The following ZNF860 variants were observed in gnomAD, a reference collection of about 807,000 sequenced individuals.
The protein encoded by ZNF860 is zinc finger protein 860.
For missense variants in ZNF860, 641 were observed against 759.2 expected, an observed-to-expected ratio of 0.84 and a Z score of 1.83; for synonymous variants, 206 against 248.9, an observed-to-expected ratio of 0.83 and a Z score of 1.62.
In ZNF860 at chr3:31,987,497, T is replaced by C. The variant is rs1170951903; in HGVS notation, c.-420-1163T>C. 2.0e-5 allele frequency among the ~76,000 whole-genome samples: 3 copies of C among 152,228 alleles called. No individual in the cohort carries two copies. The East Asian group carries it at 5.8e-4, about 29-fold the overall frequency. Reference sequence around the variant, plus strand: ...TGCATACACTTATAAATGTGGCTCATGTACTACAGAATTAACCCCCGGAAA... The same window carrying C: ...TGCATACACTTATAAATGTGGCTCACGTACTACAGAATTAACCCCCGGAAA... On this transcript the variant is annotated intron_variant, in intron 1 of 1. Coordinates refer to ENST00000360311, the MANE Select transcript of ZNF860 (RefSeq NM_001137674.3).
At chr3:32,003,191 G>A in the ZNF860 span, among the ~76,000 whole-genome samples, 5 of 152,224 alleles carry the variant, frequency 3.3e-5, no homozygotes, top group Non-Finnish European at 5.9e-5. Flanking sequence ...GGAGGACTGC[G>A]TAACACTTAC....
chr3:31,989,605 G>C lies in ZNF860; in HGVS notation c.526G>C (p.Gly176Arg). The change falls in exon 2 of 2, where the codon GGT becomes CGT. Residue 176 changes from glycine to arginine, a missense_variant. Transcript: ENST00000360311. ...CATATTTCAGACCAAAGGGAAAGTT[G>C]GTAATCAAGTTGAGAAGTCTATCAA... ...LHIFQTKGKV[G>R]NQVEKSINDA... 1 of 1,614,150 alleles carries C rather than the reference G, an allele frequency of 6.2e-7. No homozygotes were observed. Among genetic ancestry groups the C allele is most frequent in the Non-Finnish European group, 8.5e-7 (1 of 1,180,004 alleles).
intron 1 of ZNF860, chr3:31,986,308 C>T (rs1698931922): frequency 6.6e-6 from 1 of 152,190 alleles, no homozygotes; most frequent in African/African-American, 2.4e-5. Context: ...TGAACCAAGG[C>T]CTTCTGACTC....
the ZNF860 span, among the ~76,000 whole-genome samples, chr3:32,002,288 C>T: frequency 6.6e-6 from 1 of 152,114 alleles, no homozygotes; most frequent in East Asian, 1.9e-4. Flanking sequence ...TCTGAAAAAG[C>T]CTACAAAGTT....
chr3:31,998,638 T>C, the ZNF860 span, among the ~76,000 whole-genome samples: 8 of 152,248 alleles, frequency 5.3e-5, no homozygotes, highest in Admixed American at 4.6e-4. Flanking sequence ...TATGGTCCTC[T>C]AGTCATTTAA....
chr3:31,989,191 T>C lies in ZNF860; in HGVS notation c.112T>C (p.Trp38Arg). 6.2e-7 allele frequency: 1 copy of C among 1,613,872 alleles called. No homozygotes were observed. The highest frequency in any genetic ancestry group is 8.5e-7 in the Non-Finnish European group (1 of 1,180,002). Residue 38 changes from tryptophan (W) to arginine (R), a missense_variant, in exon 2 of 2, where the codon TGG (tryptophan) becomes CGG (arginine). Coordinates refer to ENST00000360311, the MANE Select transcript of ZNF860 (RefSeq NM_001137674.3). ...DVAIEFSLEE[W>R]KCLDPTQRAL... ...GGCTATAGAATTCTCTTTGGAGGAG[T>C]GGAAATGCCTGGACCCTACGCAGAG...
the ZNF860 span, among the ~76,000 whole-genome samples, chr3:32,000,162 G>A: frequency 6.6e-6 from 1 of 151,908 alleles, no homozygotes; most frequent in Non-Finnish European, 1.5e-5. Context: ...GTAAATTAAC[G>A]TTCATTTTCC....
chr3:31,998,267 G>A, the ZNF860 span, among the ~76,000 whole-genome samples: 1 of 152,246 alleles, frequency 6.6e-6, no homozygotes, highest in African/African-American at 2.4e-5. Context: ...CCAGATGAAA[G>A]GGAAGAAATG....
the ZNF860 span, among the ~76,000 whole-genome samples, chr3:32,003,035 G>A: frequency 6.6e-6 from 1 of 152,226 alleles, no homozygotes; most frequent in Non-Finnish European, 1.5e-5. Flanking sequence ...GGGAAAAGCA[G>A]AAGCTGGCCG....
the ZNF860 span, among the ~76,000 whole-genome samples, chr3:32,006,170 T>C: frequency 6.6e-6 from 1 of 151,998 alleles, no homozygotes; most frequent in South Asian, 2.1e-4. Flanking sequence ...GGTCTCAAAC[T>C]CCTGACCTCA....
intron 1 of ZNF860, among the ~76,000 whole-genome samples, chr3:31,982,185 T>C (rs1370704661): frequency 6.6e-6 from 1 of 152,194 alleles, no homozygotes; most frequent in Non-Finnish European, 1.5e-5. Context: ...AATTAACAGA[T>C]ATTTACAAAC....
chr3:32,005,414 G>A, the ZNF860 span, among the ~76,000 whole-genome samples: 16 of 149,532 alleles, frequency 1.1e-4, no homozygotes, highest in South Asian at 1.5e-3. Context: ...GGAGATTAAC[G>A]TAGCATCTGT....
intron 1 of ZNF860, among the ~76,000 whole-genome samples, chr3:31,987,289 C>T (rs1033452369): frequency 5.3e-5 from 8 of 152,162 alleles, no homozygotes; most frequent in South Asian, 2.1e-4. Context: ...TCCTTTAGAG[C>T]TATATTATCC....
intron 1 of ZNF860, among the ~76,000 whole-genome samples, chr3:31,985,549 A>T (rs746909155): frequency 6.6e-6 from 1 of 152,190 alleles, no homozygotes; most frequent in Non-Finnish European, 1.5e-5. Context: ...AGTTTCTAGT[A>T]GTTGTTTCTG....
At chr3:31,985,487 G>C (rs1698921970) in intron 1 of ZNF860, among the ~76,000 whole-genome samples, 1 of 152,138 alleles carries the variant, frequency 6.6e-6, no homozygotes, top group Non-Finnish European at 1.5e-5. Flanking sequence ...TTCCTAGTAG[G>C]GAGCTGACTA....
At chr3:31,994,635 A>G (rs1403590856), downstream of ZNF860, among the ~76,000 whole-genome samples, 3 of 152,194 alleles carry the variant, frequency 2.0e-5, no homozygotes, top group African/African-American at 7.2e-5. Flanking sequence ...ACCTTCTTCA[A>G]GTGACAGTAA....
At chr3:32,005,926 T>C in the ZNF860 span, among the ~76,000 whole-genome samples, 2 of 151,790 alleles carry the variant, frequency 1.3e-5, no homozygotes, top group African/African-American at 4.8e-5. Flanking sequence ...TTTTACTTTA[T>C]TTATTTATTT....
the ZNF860 span, among the ~76,000 whole-genome samples, chr3:31,998,577 C>G: frequency 6.6e-6 from 1 of 152,236 alleles, no homozygotes; most frequent in African/African-American, 2.4e-5. Flanking sequence ...GTTTCCTTAT[C>G]TGTCCCTTTC....
chr3:32,005,496 TGG>T, the ZNF860 span, among the ~76,000 whole-genome samples: 1 of 152,152 alleles, frequency 6.6e-6, no homozygotes, highest in Admixed American at 6.5e-5. Context: ...AAATAAGTCA[TGG>T]GGCATATGTG....
Sources: allele counts gnomAD v4.1 joint callset (sites outside exome capture counted in the v4.1 genomes callset), GRCh38; gene constraint gnomAD v4.1.1; transcripts MANE v1.5; gene names NCBI Gene and HGNC (gene_info 2026-07-23, HGNC 2026-07-21).